Variants in PDX1 observed in about 807,000 individuals in gnomAD.
PDX1 encodes pancreatic and duodenal homeobox 1.
PDX1 carries 7 observed loss-of-function variants against 11.1 expected under a neutral mutation model. That is an observed-to-expected ratio of 0.63 (90% CI 0.36 to 1.19). PDX1 has a LOEUF of 1.19. Ranked by LOEUF, PDX1 falls within the 50% of genes most tolerant of loss-of-function variation. The pLI is 0.02. For missense variants in PDX1, 449 were observed against 412.1 expected (o/e 1.09, Z -0.78); for synonymous variants, 232 against 196.2 (o/e 1.18, Z -1.53).
chr13:27,921,037 G>T (rs1474567532), intron 1 of PDX1, among the ~76,000 whole-genome samples: 1 of 152,180 alleles, frequency 6.6e-6, no homozygotes, highest in Non-Finnish European at 1.5e-5. Flanking sequence ...ATCTAGGGGC[G>T]CCAGGTAGGT....
chr13:27,924,790 G>C lies in PDX1; in HGVS notation c.*89G>C. On this transcript the variant is annotated 3_prime_UTR_variant, in exon 2 of 2. Coordinates refer to ENST00000381033, the MANE Select transcript of PDX1 (RefSeq NM_000209.4). This position sits in a 1 kb window ranked among gnomAD's most constrained non-coding sequence, Gnocchi z 4.8. The stretch of plus-strand genomic sequence containing the variant: ...GGAGGACCCCGGGCGTGGACCACCC[G>C]CCCTGGCAGTTGAATGGGGCGGCAA... 9.2e-7 allele frequency: 1 copy of C among 1,086,448 alleles called. No individual in the cohort carries two copies. The highest frequency in any genetic ancestry group is 1.2e-6 in the Non-Finnish European group (1 of 832,764). 67.3% of individuals were successfully genotyped at this position (1,086,448 alleles called of 1,614,324 possible).
Position 27,920,474 on chromosome 13 carries a change from C to G in PDX1, c.336C>G (p.Pro112=), listed in dbSNP as rs149275902. 2.6e-4 allele frequency: 419 copies of G among 1,609,466 alleles called. 1 individual carries two copies. In the African/African-American group the frequency reaches 4.9e-3, roughly 19 times the overall value. The part of the protein sequence containing the change: ...EGAEPGVLEE[P]NRVQLPFPWM... The stretch of plus-strand genomic sequence containing the variant: ...CCGAGCCGGGCGTCCTGGAGGAGCC[C>G]AACCGCGTCCAGCTGCCTTTCCCAT... Residue 112 remains proline (P), a synonymous_variant, in exon 1 of 2, where the codon CCC becomes CCG. Transcript: ENST00000381033.
At chr13:27,921,898 C>G (rs1221273820) in intron 1 of PDX1, among the ~76,000 whole-genome samples, 1 of 152,200 alleles carries the variant, frequency 6.6e-6, no homozygotes, top group Non-Finnish European at 1.5e-5. Flanking sequence ...TCGCGCAGCC[C>G]GGGCCAAAGG....
intron 1 of PDX1, among the ~76,000 whole-genome samples, chr13:27,923,473 G>A (rs1296676081): frequency 1.3e-5 from 2 of 152,194 alleles, no homozygotes; most frequent in African/African-American, 4.8e-5. Flanking sequence ...TTCACTTCGC[G>A]GGCAGAAGTC....
At chr13:27,920,694 C>G (rs1249779862) in intron 1 of PDX1, 150 bp downstream of exon 1, 6 of 789,336 alleles carry the variant, frequency 7.6e-6, no homozygotes, top group Non-Finnish European at 1.3e-5. Context: ...GAGCCCATCC[C>G]TCACAGCAGT....
Position 27,925,252 on chromosome 13 carries a change from TTCC to T in PDX1, c.*563_*565del, listed in dbSNP as rs1204342938. ...CAGTGGAATACAGTGAGTCCTCCTC[TTCC>T]TCCTCCTCCTCTTCCCCCTCCCCTT... On this transcript the variant is annotated 3_prime_UTR_variant, in exon 2 of 2. Coordinates refer to ENST00000381033, the MANE Select transcript of PDX1 (RefSeq NM_000209.4). 2.9e-4 allele frequency: 60 copies of T among 209,838 alleles called. No individual in the cohort carries two copies. Among genetic ancestry groups the T allele is most frequent in the African/African-American group, 6.3e-4 (27 of 42,654 alleles). The allele number at this position is 209,838 out of a possible 1,614,324, so 13.0% of individuals were successfully genotyped here.
chr13:27,923,230 A>T (rs927429556), intron 1 of PDX1, among the ~76,000 whole-genome samples: 2 of 152,218 alleles, frequency 1.3e-5, no homozygotes, highest in African/African-American at 4.8e-5. Flanking sequence ...AGCGGCAAAC[A>T]GTGAATGTGG....
At position 27,920,471 on chromosome 13, in the gene PDX1, G is replaced by A. The variant is rs749389364; in HGVS notation, c.333G>A (p.Glu111=). Residue 111 remains glutamate, a synonymous_variant, in exon 1 of 2, where the codon GAG becomes GAA. Transcript: ENST00000381033. ...PEGAEPGVLE[E]PNRVQLPFPW... The stretch of plus-strand genomic sequence containing the variant: ...GAGCCGAGCCGGGCGTCCTGGAGGA[G>A]CCCAACCGCGTCCAGCTGCCTTTCC... 3.1e-6 allele frequency: 5 copies of A among 1,608,384 alleles called. No homozygotes were observed. Among genetic ancestry groups the A allele is most frequent in the Non-Finnish European group, 3.4e-6 (4 of 1,178,038 alleles).
At chr13:27,922,889 G>A in intron 1 of PDX1, among the ~76,000 whole-genome samples, 1 of 152,206 alleles carries the variant, frequency 6.6e-6, no homozygotes, top group East Asian at 1.9e-4. Context: ...CCAGGCGTGG[G>A]ATGCCAGGTA....
chr13:27,920,450 C>A lies in PDX1; in HGVS notation c.312C>A (p.Ala104=), dbSNP rs535722487. ...CCGCCGGGCCCTTCCCGGAGGGAGCCGAGCCGGGCGTCCTGGAGGAGCCCA... is the reference window on the plus strand; with the variant it reads ...CCGCCGGGCCCTTCCCGGAGGGAGCAGAGCCGGGCGTCCTGGAGGAGCCCA... The part of the protein sequence containing the change: ...HPPAGPFPEG[A]EPGVLEEPNR... The change falls in exon 1 of 2, where the codon GCC becomes GCA. Residue 104 remains alanine, a synonymous_variant. Coordinates refer to ENST00000381033, the MANE Select transcript of PDX1 (RefSeq NM_000209.4). 21 of 1,593,382 alleles carry A rather than the reference C, an allele frequency of 1.3e-5. No individual in the cohort carries two copies. Among genetic ancestry groups the A allele is most frequent in the Non-Finnish European group, 1.6e-5 (19 of 1,170,492 alleles).
chr13:27,924,389 T>C lies in PDX1; in HGVS notation c.540T>C (p.Ala180=). The stretch of plus-strand genomic sequence containing the variant: ...CACGGCCGCGCCGGGTGGAGCTGGC[T>C]GTCATGTTGAACTTGACCGAGAGAC... The part of the protein sequence containing the change: ...YISRPRRVEL[A]VMLNLTERHI... The change falls in exon 2 of 2, where the codon GCT becomes GCC. Residue 180 remains alanine (A), a synonymous_variant. Coordinates refer to ENST00000381033, the MANE Select transcript of PDX1 (RefSeq NM_000209.4). This position sits in a 1 kb window ranked among gnomAD's most constrained non-coding sequence, Gnocchi z 4.8. 1 of 1,613,132 alleles carries C rather than the reference T, an allele frequency of 6.2e-7. No homozygotes were observed.
chr13:27,920,687 C>T (rs1265555481), intron 1 of PDX1, 143 bp downstream of exon 1: 9 of 833,940 alleles, frequency 1.1e-5, no homozygotes, highest in Non-Finnish European at 1.6e-5. Context: ...AGCTACCGAG[C>T]CCATCCCTCA....
At position 27,924,521 on chromosome 13, in the gene PDX1, G is replaced by A. The variant is rs1430419746; in HGVS notation, c.672G>A (p.Glu224=). ...GGGGTGGCGGGGTCGCGGAGCCTGA[G>A]CAGGACTGCGCCGTGACCTCCGGCG... ...AVGGGGVAEP[E]QDCAVTSGEE... Residue 224 remains glutamate (E), a synonymous_variant, in exon 2 of 2, where the codon GAG becomes GAA. Coordinates refer to ENST00000381033, the MANE Select transcript of PDX1 (RefSeq NM_000209.4). The surrounding 1 kb of genome is among the most constrained non-coding windows in gnomAD (Gnocchi z 4.8). 1.2e-6 allele frequency: 2 copies of A among 1,605,144 alleles called. No homozygotes were observed. The highest frequency in any genetic ancestry group is 8.5e-7 in the Non-Finnish European group (1 of 1,176,568).
At position 27,920,356 on chromosome 13, in the gene PDX1, T is replaced by C; in HGVS notation, c.218T>C (p.Leu73Pro). The change falls in exon 1 of 2, where the codon CTC becomes CCC. Residue 73 changes from leucine (L) to proline (P), a missense_variant. Leu to Pro is a moderately conservative substitution (Grantham distance 98). Around this residue, in one of 3 missense-constraint regions of PDX1, gnomAD observed 263 missense variants for 212.5 expected, o/e 1.24. Coordinates refer to ENST00000381033, the MANE Select transcript of PDX1 (RefSeq NM_000209.4). ...ATCTCCCCGTACGAGGTGCCCCCCC[T>C]CGCCGACGACCCCGCGGTGGCGCAC... is the stretch of plus-strand genomic sequence containing the variant. Reference protein sequence around the residue: ...PDISPYEVPPLADDPAVAHLH... With the variant: ...PDISPYEVPPPADDPAVAHLH... 6.5e-7 allele frequency: 1 copy of C among 1,542,964 alleles called. No individual in the cohort carries two copies. The highest frequency in any genetic ancestry group is 8.7e-7 in the Non-Finnish European group (1 of 1,143,000).
In PDX1 at chr13:27,925,270, C is replaced by T. The variant is rs1245353234; in HGVS notation, c.*569C>T. 10 of 177,524 alleles carry T rather than the reference C, an allele frequency of 5.6e-5. No homozygotes were observed. The highest frequency in any genetic ancestry group is 2.0e-4 in the African/African-American group (8 of 39,478). The allele number at this position is 177,524 out of a possible 1,614,324, so 11.0% of individuals were successfully genotyped here. On this transcript the variant is annotated 3_prime_UTR_variant, in exon 2 of 2. Coordinates refer to ENST00000381033, the MANE Select transcript of PDX1 (RefSeq NM_000209.4). ...CCTCCTCTTCCTCCTCCTCCTCTTC[C>T]CCCTCCCCTTCCTCCTCCTCCTCTT...
At position 27,920,354 on chromosome 13, in the gene PDX1, C is replaced by T. The variant is rs193922353; in HGVS notation, c.216C>T (p.Pro72=). The T allele has an allele frequency of 3.9e-6, 6 of 1,542,962 alleles. No homozygotes were observed. The highest frequency in any genetic ancestry group is 4.4e-6 in the Non-Finnish European group (5 of 1,142,628). The change falls in exon 1 of 2, where the codon CCC becomes CCT. Residue 72 remains proline, a synonymous_variant. Coordinates refer to ENST00000381033, the MANE Select transcript of PDX1 (RefSeq NM_000209.4). ...PPDISPYEVP[P]LADDPAVAHL... ...ACATCTCCCCGTACGAGGTGCCCCC[C>T]CTCGCCGACGACCCCGCGGTGGCGC...
chr13:27,924,603 G>A lies in PDX1; in HGVS notation c.754G>A (p.Ala252Thr). The part of the protein sequence containing the change: ...PPPGGAVPPA[A>T]PVAAREGRLP... ...CCCCGGAGGTGCTGTGCCGCCCGCT[G>A]CCCCCGTTGCCGCCCGAGAGGGCCG... Residue 252 changes from alanine (A) to threonine (T), a missense_variant, in exon 2 of 2, where the codon GCC becomes ACC. By Grantham distance (58) the Ala-to-Thr change is moderately conservative (BLOSUM62 0). Transcript: ENST00000381033. The surrounding 1 kb of genome is among the most constrained non-coding windows in gnomAD (Gnocchi z 4.8). 1 of 1,462,234 alleles carries A rather than the reference G, an allele frequency of 6.8e-7. No individual in the cohort carries two copies. The highest frequency in any genetic ancestry group is 2.5e-5 in the Admixed American group (1 of 39,280). 90.6% of individuals were successfully genotyped at this position (1,462,234 alleles called of 1,614,324 possible).
intron 1 of PDX1, among the ~76,000 whole-genome samples, chr13:27,922,064 T>A (rs1486230068): frequency 6.6e-6 from 1 of 152,158 alleles, no homozygotes; most frequent in Non-Finnish European, 1.5e-5. Flanking sequence ...GCTCCTGCTT[T>A]CCCACCCTGG....
intron 1 of PDX1, among the ~76,000 whole-genome samples, chr13:27,920,848 G>A (rs1957781192): frequency 6.6e-6 from 1 of 152,244 alleles, no homozygotes; most frequent in South Asian, 2.1e-4. Flanking sequence ...GCTGAGTCCT[G>A]CTCAGGGCTT....
Sources: allele counts gnomAD v4.1 joint callset (sites outside exome capture counted in the v4.1 genomes callset), GRCh38; gene constraint gnomAD v4.1.1; regional missense constraint gnomAD v4.1.1; non-coding constraint Gnocchi (gnomAD v3.1); transcripts MANE v1.5; gene names NCBI Gene and HGNC (gene_info 2026-07-23, HGNC 2026-07-21).